The following NR3C2 variants were observed in gnomAD, a reference collection of about 807,000 sequenced individuals.
NR3C2 encodes mineralocorticoid receptor.
A neutral mutation model predicts 86.4 loss-of-function variants in NR3C2; 15 were observed. The ratio of observed to expected loss-of-function variants is 0.17; its 90% CI spans 0.12 to 0.27. The LOEUF (loss-of-function observed/expected upper bound fraction) is 0.27, where lower values mean the gene tolerates loss of function less well. Ranked by LOEUF, NR3C2 falls within the 10% of genes least tolerant of loss-of-function variation. The probability of loss-of-function intolerance (pLI) is 1.00; values close to 1 mark genes in which losing one functional copy is unlikely to be tolerated. For synonymous variants in NR3C2, 458 were observed against 450.5 expected (o/e 1.02, Z -0.21); for missense variants, 960 against 1,195.6 (o/e 0.80, Z 2.91).
At chr4:148,217,987 A>G (rs1286618365) in intron 3 of NR3C2, among the ~76,000 whole-genome samples, 2 of 152,264 alleles carry the variant, frequency 1.3e-5, no homozygotes, top group Non-Finnish European at 2.9e-5. Context: ...CTACATGTCT[A>G]TAATCGCTGG....
intron 2 of NR3C2, among the ~76,000 whole-genome samples, chr4:148,430,950 G>A (rs552798394): frequency 6.6e-6 from 1 of 152,162 alleles, no homozygotes; most frequent in African/African-American, 2.4e-5. Flanking sequence ...CCTAATTACT[G>A]TTCTTGTAAC....
At chr4:148,323,851 C>G (rs932834264) in intron 2 of NR3C2, among the ~76,000 whole-genome samples, 1 of 140,908 alleles carries the variant, frequency 7.1e-6, no homozygotes, top group Non-Finnish European at 1.5e-5. Context: ...GCGTCGCTCA[C>G]GCTGGGAGCT....
In NR3C2 at chr4:148,435,746, A is replaced by T. The variant is rs1330508393; in HGVS notation, c.1115T>A (p.Val372Asp). 1 of 1,614,074 alleles carries T rather than the reference A, an allele frequency of 6.2e-7. No individual in the cohort carries two copies. The highest frequency in any genetic ancestry group is 1.7e-5 in the Admixed American group (1 of 60,010). ...TACTTCCTCAGTCTTAGGAAAAGGG[A>T]CCTCTTGAGCACCTTTCTCCTGCGT... The part of the protein sequence containing the change: ...PDTQEKGAQE[V>D]PFPKTEEVES... The change falls in exon 2 of 9, where the codon GTC becomes GAC. Residue 372 changes from valine (V) to aspartate (D), a missense_variant. Val to Asp is a radical substitution (Grantham distance 152, BLOSUM62 -3). Transcript: ENST00000358102.
chr4:148,346,636 A>G (rs1745007118), intron 2 of NR3C2, among the ~76,000 whole-genome samples: 1 of 152,130 alleles, frequency 6.6e-6, no homozygotes, highest in Admixed American at 6.6e-5. Flanking sequence ...GCAAAGTGAA[A>G]TGTACTATAA....
At chr4:148,443,505 A>G (rs61760030), upstream of NR3C2, among the ~76,000 whole-genome samples, 1 of 152,208 alleles carries the variant, frequency 6.6e-6, no homozygotes, top group Non-Finnish European at 1.5e-5. Context: ...TGCATGAAGA[A>G]ATTTCGGTTT....
At chr4:148,274,037 A>G (rs1740830939) in intron 2 of NR3C2, among the ~76,000 whole-genome samples, 1 of 151,918 alleles carries the variant, frequency 6.6e-6, no homozygotes, top group Admixed American at 6.6e-5. Context: ...ACGTACACTC[A>G]GCAAAAGAGA....
At chr4:148,273,509 G>T (rs568144116) in intron 2 of NR3C2, among the ~76,000 whole-genome samples, 23 of 152,278 alleles carry the variant, frequency 1.5e-4, no homozygotes, top group African/African-American at 5.3e-4. Context: ...TAAGGGATCA[G>T]ATGGCATGTT....
At chr4:148,118,180 G>A (rs575657132) in intron 7 of NR3C2, among the ~76,000 whole-genome samples, 8 of 152,166 alleles carry the variant, frequency 5.3e-5, no homozygotes, top group Non-Finnish European at 1.0e-4. Flanking sequence ...GTCCTCTGTT[G>A]TCTCCTCTGG....
chr4:148,134,837 T>A (rs4835129), intron 6 of NR3C2, among the ~76,000 whole-genome samples: 98,679 of 148,864 alleles, frequency 0.66, 32,861 homozygotes, highest in East Asian at 0.79. Context: ...TTTTTTTTTC[T>A]GTAGAGATGG....
chr4:148,358,742 G>GA (rs996941473), intron 2 of NR3C2, among the ~76,000 whole-genome samples: 10 of 152,048 alleles, frequency 6.6e-5, no homozygotes, highest in South Asian at 4.1e-4. Flanking sequence ...AGAATCTCAA[G>GA]AAAAAAAGGC....
At chr4:148,343,389 C>T (rs375332671) in intron 2 of NR3C2, among the ~76,000 whole-genome samples, 1 of 152,080 alleles carries the variant, frequency 6.6e-6, no homozygotes. Context: ...AAGGCAGCAG[C>T]GGGATATCCG....
chr4:148,181,034 C>T (rs1357451461), intron 4 of NR3C2, among the ~76,000 whole-genome samples: 1 of 152,098 alleles, frequency 6.6e-6, no homozygotes, highest in Admixed American at 6.6e-5. Context: ...TGTGACGTGT[C>T]CCACTCTAGG....
intron 3 of NR3C2, among the ~76,000 whole-genome samples, chr4:148,206,083 T>C: frequency 6.6e-6 from 1 of 152,164 alleles, no homozygotes; most frequent in East Asian, 1.9e-4. Flanking sequence ...CTCTAGTAGT[T>C]CAGTGGAAGA....
At chr4:148,121,917 A>G (rs1732521335) in intron 6 of NR3C2, among the ~76,000 whole-genome samples, 1 of 152,204 alleles carries the variant, frequency 6.6e-6, no homozygotes, top group South Asian at 2.1e-4. Context: ...TGCTATCACA[A>G]ATGATGCCCA....
intron 2 of NR3C2, among the ~76,000 whole-genome samples, chr4:148,271,605 A>C (rs1339919442): frequency 6.6e-6 from 1 of 152,032 alleles, no homozygotes; most frequent in African/African-American, 2.4e-5. Flanking sequence ...TTTTAAGGAA[A>C]ATTTTTTTAA....
chr4:148,154,927 C>T, intron 4 of NR3C2, 26 bp from the exon 5 acceptor site: 2 of 1,525,002 alleles, frequency 1.3e-6, no homozygotes, highest in East Asian at 2.4e-5. Context: ...AATGATAAGG[C>T]CAAATTAAAA....
chr4:148,111,791 T>G (rs1313394898), intron 8 of NR3C2, among the ~76,000 whole-genome samples: 1 of 152,170 alleles, frequency 6.6e-6, no homozygotes, highest in Non-Finnish European at 1.5e-5. Flanking sequence ...CAAACTAATC[T>G]CGATTCACAG....
At chr4:148,237,059 C>G (rs1738781894) in intron 3 of NR3C2, among the ~76,000 whole-genome samples, 3 of 152,180 alleles carry the variant, frequency 2.0e-5, no homozygotes, top group Admixed American at 2.0e-4. Context: ...CACAAACATT[C>G]TTATCTTTAC....
At chr4:148,340,378 C>T (rs770286924) in intron 2 of NR3C2, among the ~76,000 whole-genome samples, 2 of 151,884 alleles carry the variant, frequency 1.3e-5, no homozygotes, top group Non-Finnish European at 2.9e-5. Flanking sequence ...GAACATACAT[C>T]GGAAAAAAGA....
Sources: gnomAD v4.1 joint callset for allele counts (sites outside exome capture counted in the v4.1 genomes callset) on GRCh38, gnomAD v4.1.1 for gene constraint, MANE v1.5 for transcripts, NCBI Gene and HGNC (gene_info 2026-07-23, HGNC 2026-07-21) for gene names.